Variants in CLK3 observed in about 807,000 individuals in gnomAD.
CLK3 encodes the protein dual specificity protein kinase CLK3.
In CLK3, 24 loss-of-function variants were observed where a neutral mutation model predicts 65.2. The ratio of observed to expected loss-of-function variants is 0.37; its 90% CI spans 0.27 to 0.52. The LOEUF is 0.52. CLK3 is among the 20% of genes least tolerant of loss of function. The pLI is 0.92. For missense variants in CLK3, 506 were observed against 660.0 expected (o/e 0.77, Z 2.56); for synonymous variants, 252 against 240.8 (o/e 1.05, Z -0.43).
chr15:74,625,014 A>C lies in CLK3; in HGVS notation c.646A>C (p.Lys216Gln). 1.2e-6 allele frequency: 2 copies of C among 1,611,502 alleles called. No homozygotes were observed. The highest frequency in any genetic ancestry group is 1.7e-6 in the Non-Finnish European group (2 of 1,177,662). The change falls in exon 6 of 13, where the codon AAG (lysine) becomes CAG (glutamine). Residue 216 changes from lysine (K) to glutamine (Q), a missense_variant. Physicochemically the swap from Lys to Gln is moderately conservative, Grantham distance 53. Around this residue, in one of 2 missense-constraint regions of CLK3, gnomAD observed 325 missense variants for 500.5 expected, o/e 0.65. Transcript: ENST00000395066. ...AATCAAGGAGAAGGACAAAGAAAACAAGTTGTGAGTATCTGCAAGGAGTGG... is the reference window on the plus strand; with the variant it reads ...AATCAAGGAGAAGGACAAAGAAAACCAGTTGTGAGTATCTGCAAGGAGTGG... ...KKIKEKDKEN[K>Q]FLCVLMSDWF... is the part of the protein sequence containing the mutation.
At chr15:74,612,608 A>G (rs1052674889), upstream of CLK3, among the ~76,000 whole-genome samples, 1 of 151,230 alleles carries the variant, frequency 6.6e-6, no homozygotes, top group African/African-American at 2.4e-5. Context: ...CCCACTCCTC[A>G]CATTCCCAGG....
chr15:74,628,954 T>C lies in CLK3; in HGVS notation c.1218T>C (p.Tyr406=), dbSNP rs780503933. The stretch of plus-strand genomic sequence containing the variant: ...CCTTAATTTTCAGGAAGCAGAAATA[T>C]TTCTACAAAGGGGGCCTAGTTTGGG... ...HMIHRTRKQK[Y]FYKGGLVWDE... The change falls in exon 12 of 13, where the codon TAT becomes TAC. Residue 406 remains tyrosine (Y), a synonymous_variant. Transcript: ENST00000395066. The C allele has an allele frequency of 3.1e-6, 5 of 1,613,052 alleles. No homozygotes were observed. The highest frequency in any genetic ancestry group is 4.2e-6 in the Non-Finnish European group (5 of 1,179,200).
rs1567145038 is a variant in CLK3 at position 74,627,076 on chromosome 15, C to T, written c.818-276C>T. Reference sequence around the variant, plus strand: ...CTCTGCTGAGAGACAGGTGAGGAGGCCTGGTCTCTGCAGAGGAGAGGTGGA... The same window carrying T: ...CTCTGCTGAGAGACAGGTGAGGAGGTCTGGTCTCTGCAGAGGAGAGGTGGA... On this transcript the variant is annotated intron_variant, in intron 7 of 12. Transcript: ENST00000395066. The surrounding 1 kb of genome is among the most constrained non-coding windows in gnomAD (Gnocchi z 4.3). 2 of 542,340 alleles carry T rather than the reference C, an allele frequency of 3.7e-6. No homozygotes were observed. Among genetic ancestry groups the T allele is most frequent in the Non-Finnish European group, 7.1e-6 (2 of 283,018 alleles). 33.6% of individuals were successfully genotyped at this position (542,340 alleles called of 1,614,324 possible).
chr15:74,615,765 G>C (rs1049014202), upstream of CLK3: 27 of 1,242,548 alleles, frequency 2.2e-5, no homozygotes, highest in Non-Finnish European at 2.4e-5. Context: ...CCTCCGAGCC[G>C]GGTCGAGCCG....
chr15:74,629,737 G>A lies in CLK3; in HGVS notation c.1327G>A (p.Val443Met), dbSNP rs759772298. Residue 443 changes from valine (V) to methionine (M), a missense_variant, in exon 13 of 13, where the codon GTG becomes ATG. By Grantham distance (21) the Val-to-Met change is conservative. Around this residue, in one of 2 missense-constraint regions of CLK3, gnomAD observed 325 missense variants for 500.5 expected, o/e 0.65. Coordinates refer to ENST00000395066, the MANE Select transcript of CLK3 (RefSeq NM_001130028.2). ...CATGCTCCAAGACTCCCTGGAGCAC[G>A]TGCAGCTGTTTGACCTGATGAGGAG... is the stretch of plus-strand genomic sequence containing the variant. ...SYMLQDSLEH[V>M]QLFDLMRRML... The A allele has an allele frequency of 6.8e-6, 11 of 1,613,426 alleles. No homozygotes were observed. The highest frequency in any genetic ancestry group is 1.1e-5 in the South Asian group (1 of 91,018).
upstream of CLK3, chr15:74,614,782 T>A (rs1387507109): frequency 6.6e-6 from 1 of 152,126 alleles, no homozygotes; most frequent in Non-Finnish European, 1.5e-5. Context: ...GGGGAAACCC[T>A]TGGCGCCCCC....
At chr15:74,609,942 G>C (rs189526110) in intron 1 of CLK3, among the ~76,000 whole-genome samples, 1 of 152,382 alleles carries the variant, frequency 6.6e-6, no homozygotes, top group East Asian at 1.9e-4. Context: ...ATCTGAACCA[G>C]GAGGGAAGTC....
upstream of CLK3, chr15:74,614,713 A>G (rs961608792): frequency 1.3e-5 from 2 of 151,954 alleles, no homozygotes; most frequent in Non-Finnish European, 2.9e-5. Context: ...GCGGGCCCAG[A>G]CCCGCGGGGA....
Position 74,619,200 on chromosome 15 carries a change from C to G in CLK3, c.4C>G (p.His2Asp). 6.2e-7 allele frequency: 1 copy of G among 1,613,994 alleles called. No homozygotes were observed. The highest frequency in any genetic ancestry group is 8.5e-7 in the Non-Finnish European group (1 of 1,179,918). ...CTCTCTGTTCCTCGTGGCCTAGATG[C>G]ATCACTGTAAGCGATACCGCTCCCC... is the stretch of plus-strand genomic sequence containing the variant. M[H>D]HCKRYRSPEP... The change falls in exon 2 of 13, where the codon CAT becomes GAT. Residue 2 changes from histidine (H) to aspartate (D), a missense_variant. By Grantham distance (81) the His-to-Asp change is moderately conservative (BLOSUM62 -1). Around this residue, in one of 2 missense-constraint regions of CLK3, gnomAD observed 181 missense variants for 159.4 expected, o/e 1.14. Coordinates refer to ENST00000395066, the MANE Select transcript of CLK3 (RefSeq NM_001130028.2).
chr15:74,612,266 G>A (rs555901698), upstream of CLK3, among the ~76,000 whole-genome samples: 6 of 152,320 alleles, frequency 3.9e-5, no homozygotes, highest in African/African-American at 1.4e-4. Context: ...TAGCTATGAT[G>A]TGGGGGTCAG....
At chr15:74,626,061 A>G in intron 7 of CLK3, 93 bp downstream of exon 7, 1 of 1,394,572 alleles carries the variant, frequency 7.2e-7, no homozygotes, top group Non-Finnish European at 1.0e-6. Context: ...CCAGCACGTT[A>G]CTAACCATTC....
Position 74,627,858 on chromosome 15 carries a change from C to T in CLK3, c.1043-112C>T, listed in dbSNP as rs897142957. On this transcript the variant is annotated intron_variant, in intron 9 of 12. Transcript: ENST00000395066. This position sits in a 1 kb window ranked among gnomAD's most constrained non-coding sequence, Gnocchi z 4.3. ...TGTCAGCCTTACTGAGAGAGGGCCT[C>T]GTACTGGGATTTGGGCAAGAGTCCT... The T allele has an allele frequency of 2.7e-5, 32 of 1,182,560 alleles. 1 individual carries two copies. Among genetic ancestry groups the T allele is most frequent in the African/African-American group, 7.5e-5 (5 of 66,448 alleles). 73.3% of individuals were successfully genotyped at this position (1,182,560 alleles called of 1,614,324 possible).
intron 6 of CLK3, 143 bp from the exon 7 acceptor site, chr15:74,625,659 G>A: frequency 1.2e-6 from 1 of 801,922 alleles, no homozygotes; most frequent in Non-Finnish European, 2.0e-6. Flanking sequence ...CTCTTGCTCT[G>A]ATTTCTCTTG....
rs778862886 is a variant in CLK3 at position 74,619,285 on chromosome 15, A to G, written c.89A>G (p.His30Arg). ...AGGAGGAGGTCCTACAGTCGGGAACATGAAGGGAGACTGCGATACCCGTCC... is the reference window on the plus strand; with the variant it reads ...AGGAGGAGGTCCTACAGTCGGGAACGTGAAGGGAGACTGCGATACCCGTCC... Reference protein sequence around the residue: ...WKRRRSYSREHEGRLRYPSRR... With the variant: ...WKRRRSYSREREGRLRYPSRR... The change falls in exon 2 of 13, where the codon CAT becomes CGT. Residue 30 changes from histidine to arginine, a missense_variant. Transcript: ENST00000395066. The G allele has an allele frequency of 6.2e-7, 1 of 1,614,154 alleles. No homozygotes were observed. Among genetic ancestry groups the G allele is most frequent in the Non-Finnish European group, 8.5e-7 (1 of 1,180,010 alleles).
chr15:74,619,321 C>G lies in CLK3; in HGVS notation c.125C>G (p.Pro42Arg). The part of the protein sequence containing the change: ...GRLRYPSRRE[P>R]PPRRSRSRSH... ...CTGCGATACCCGTCCCGAAGGGAGC[C>G]TCCCCCACGAAGATCTCGGTCCAGA... Residue 42 changes from proline to arginine, a missense_variant, in exon 2 of 13, where the codon CCT becomes CGT. Pro to Arg is a moderately radical substitution (Grantham distance 103, BLOSUM62 -2). Transcript: ENST00000395066. The G allele has an allele frequency of 6.2e-7, 1 of 1,614,146 alleles. No individual in the cohort carries two copies. The highest frequency in any genetic ancestry group is 8.5e-7 in the Non-Finnish European group (1 of 1,179,996).
chr15:74,626,089 A>G, intron 7 of CLK3, 121 bp downstream of exon 7: 1 of 1,130,474 alleles, frequency 8.8e-7, no homozygotes, highest in Non-Finnish European at 1.3e-6. Context: ...CCTGAGGGAC[A>G]CCAGATCCCC....
intron 1 of CLK3, among the ~76,000 whole-genome samples, chr15:74,618,414 CTAGAGCCA>C (rs2062076490): frequency 6.6e-6 from 1 of 152,122 alleles, no homozygotes; most frequent in African/African-American, 2.4e-5. Context: ...GGGTAGGATA[CTAGAGCCA>C]GAGAGCTAGA....
intron 7 of CLK3, 57 bp downstream of exon 7, chr15:74,626,025 C>A: frequency 6.3e-7 from 1 of 1,579,264 alleles, no homozygotes; most frequent in East Asian, 2.2e-5. Context: ...GCCAAGTCAT[C>A]TGGTTACTTG....
chr15:74,622,208 A>G lies in CLK3; in HGVS notation c.458A>G (p.Gln153Arg). 1 of 1,613,390 alleles carries G rather than the reference A, an allele frequency of 6.2e-7. No homozygotes were observed. Among genetic ancestry groups the G allele is most frequent in the Non-Finnish European group, 8.5e-7 (1 of 1,179,328 alleles). Residue 153 changes from glutamine to arginine, a missense_variant, in exon 4 of 13, where the codon CAA becomes CGA. Around this residue, in one of 2 missense-constraint regions of CLK3, gnomAD observed 325 missense variants for 500.5 expected, o/e 0.65. Coordinates refer to ENST00000395066, the MANE Select transcript of CLK3 (RefSeq NM_001130028.2). This position sits in a 1 kb window ranked among gnomAD's most constrained non-coding sequence, Gnocchi z 4.6. The part of the protein sequence containing the change: ...HLVCRIGDWL[Q>R]ERYEIVGNLG... ...GTGTGCCGGATCGGCGATTGGCTCC[A>G]AGAGCGATGTACAGCCACCTTTCGT...
Sources: allele counts gnomAD v4.1 joint callset (sites outside exome capture counted in the v4.1 genomes callset), GRCh38; gene constraint gnomAD v4.1.1; regional missense constraint gnomAD v4.1.1; non-coding constraint Gnocchi (gnomAD v3.1); transcripts MANE v1.5; gene names NCBI Gene and HGNC (gene_info 2026-07-23, HGNC 2026-07-21).